Variants in GARNL3 observed in about 807,000 individuals in gnomAD.
GARNL3 encodes the protein GTPase-activating Rap/Ran-GAP domain-like protein 3.
A neutral mutation model predicts 125.0 loss-of-function variants in GARNL3; 63 were observed. That is an observed-to-expected ratio of 0.50 (90% CI 0.41 to 0.62). The LOEUF (loss-of-function observed/expected upper bound fraction) is 0.62. Ranked by LOEUF, GARNL3 falls within the 20% of genes least tolerant of loss-of-function variation. GARNL3 has a pLI of 0.00. For missense variants in GARNL3, 994 were observed against 1,244.0 expected (o/e 0.80, Z 3.02); for synonymous variants, 439 against 457.5 (o/e 0.96, Z 0.52).
chr9:127,379,922 G>A (rs1832149039), intron 22 of GARNL3, among the ~76,000 whole-genome samples: 1 of 152,188 alleles, frequency 6.6e-6, no homozygotes, highest in African/African-American at 2.4e-5. Context: ...GCTCACACTT[G>A]TAATCCCAGC....
chr9:127,385,412 T>G lies in GARNL3; in HGVS notation c.2388+267T>G, dbSNP rs1209726994. 6.6e-6 allele frequency among the ~76,000 whole-genome samples: 1 copy of G among 152,128 alleles called. No homozygotes were observed. Among genetic ancestry groups the G allele is most frequent in the Non-Finnish European group, 1.5e-5 (1 of 68,018 alleles). ...TGGGGAGCACTTAGCTGAAAAGAGA[T>G]ATCCCCGCTCAGAGACTGGGTCAGT... On this transcript the variant is annotated intron_variant, in intron 24 of 27. Coordinates refer to ENST00000373387, the MANE Select transcript of GARNL3 (RefSeq NM_032293.5). The surrounding 1 kb of genome is among the most constrained non-coding windows in gnomAD (Gnocchi z 4.1).
chr9:127,358,307 G>A (rs1305145365), intron 21 of GARNL3, among the ~76,000 whole-genome samples: 1 of 152,230 alleles, frequency 6.6e-6, no homozygotes, highest in East Asian at 1.9e-4. Context: ...AGGCCTGCTT[G>A]TCAGTGAGCC....
At chr9:127,254,810 T>C (rs1395100134) in intron 2 of GARNL3, among the ~76,000 whole-genome samples, 1 of 142,630 alleles carries the variant, frequency 7.0e-6, no homozygotes, top group Non-Finnish European at 1.5e-5. Context: ...AAAAGACCAA[T>C]AACATACAAA....
At position 127,311,543 on chromosome 9, in the gene GARNL3, G is replaced by A. The variant is rs111590791; in HGVS notation, c.220-93G>A. 5,831 of 855,892 alleles carry A rather than the reference G, an allele frequency of 6.8e-3. 244 individuals are homozygous for A. In the African/African-American group the frequency reaches 0.088, roughly 13 times the overall value. 53.0% of individuals were successfully genotyped at this position (855,892 alleles called of 1,614,324 possible). A position where few individuals can be genotyped will look rare whatever the true frequency, so the allele number is the denominator to read the frequency against. Reference sequence around the variant, plus strand: ...CCCTTGGGTGTATGCTTTTAACAATGATTTTTCTGGTTCTTTGGCCGCTGG... The same window carrying A: ...CCCTTGGGTGTATGCTTTTAACAATAATTTTTCTGGTTCTTTGGCCGCTGG... On this transcript the variant is annotated intron_variant, in intron 2 of 27. Coordinates refer to ENST00000373387, the MANE Select transcript of GARNL3 (RefSeq NM_032293.5).
intron 1 of GARNL3, among the ~76,000 whole-genome samples, chr9:127,289,250 AACTACT>A (rs1241437109): frequency 1.3e-5 from 2 of 152,208 alleles, no homozygotes; most frequent in Non-Finnish European, 2.9e-5. Flanking sequence ...TTCTGACACC[AACTACT>A]ACAGCGTTCA....
chr9:127,259,868 C>T (rs1485414656), upstream of GARNL3, among the ~76,000 whole-genome samples: 1 of 151,820 alleles, frequency 6.6e-6, no homozygotes, highest in African/African-American at 2.4e-5. Context: ...GACCCCCCCG[C>T]CCATCTCTAC....
intron 8 of GARNL3, 109 bp downstream of exon 8, chr9:127,332,458 G>GA: frequency 1.2e-6 from 1 of 821,900 alleles, no homozygotes. Flanking sequence ...TTAATACGAG[G>GA]AGATAGTTTT....
intron 2 of GARNL3, among the ~76,000 whole-genome samples, chr9:127,305,891 T>A (rs1393844157): frequency 3.9e-5 from 6 of 152,316 alleles, no homozygotes; most frequent in Non-Finnish European, 8.8e-5. Flanking sequence ...TGAACCACTA[T>A]GCCCAGCCCA....
At position 127,392,771 on chromosome 9, in the gene GARNL3, C is replaced by G. The variant is rs1832935510; in HGVS notation, c.2871-312C>G. On this transcript the variant is annotated intron_variant, in intron 27 of 27. Coordinates refer to ENST00000373387, the MANE Select transcript of GARNL3 (RefSeq NM_032293.5). This position sits in a 1 kb window ranked among gnomAD's most constrained non-coding sequence, Gnocchi z 5.2. ...CGGAACCTTGGCTATGAGTTTCAGCCTGATCCTCAGGCCCTGGGCACCCAT... is the reference window on the plus strand; with the variant it reads ...CGGAACCTTGGCTATGAGTTTCAGCGTGATCCTCAGGCCCTGGGCACCCAT... Among the ~76,000 whole-genome samples, 1 of 152,234 alleles carries G rather than the reference C, an allele frequency of 6.6e-6. No homozygotes were observed. The highest frequency in any genetic ancestry group is 2.4e-5 in the African/African-American group (1 of 41,456).
intron 22 of GARNL3, among the ~76,000 whole-genome samples, chr9:127,376,465 G>A (rs552740354): frequency 8.5e-5 from 13 of 152,080 alleles, no homozygotes; most frequent in Non-Finnish European, 1.5e-4. Flanking sequence ...TGATCCGCCC[G>A]CCTCGGCCTC....
Position 127,383,560 on chromosome 9 carries a change from T to C in GARNL3, c.2269+15T>C, listed in dbSNP as rs377173019. ...CTATGCAATTGGTAAGAAAAGTCTT[T>C]ATCATAATGCTTTTCTCCTTCATGG... On this transcript the variant is annotated intron_variant, in intron 23 of 27. Transcript: ENST00000373387. The C allele has an allele frequency of 1.3e-6, 2 of 1,521,880 alleles. No individual in the cohort carries two copies. The highest frequency in any genetic ancestry group is 2.7e-5 in the African/African-American group (2 of 72,844). 94.3% of individuals were successfully genotyped at this position (1,521,880 alleles called of 1,614,324 possible).
intron 1 of GARNL3, among the ~76,000 whole-genome samples, chr9:127,240,664 A>C (rs2063188240): frequency 1.3e-5 from 2 of 152,194 alleles, no homozygotes; most frequent in Admixed American, 6.5e-5. Context: ...ACACTTTGGG[A>C]AGTCGAGGTG....
intron 2 of GARNL3, chr9:127,300,315 G>C: frequency 4.0e-6 from 1 of 251,212 alleles, no homozygotes; most frequent in Non-Finnish European, 8.0e-6. Context: ...TTTCTTCTCT[G>C]TTGTGGGAAT....
chr9:127,327,867 A>G (rs2065622728), intron 7 of GARNL3, among the ~76,000 whole-genome samples: 1 of 152,262 alleles, frequency 6.6e-6, no homozygotes, highest in Non-Finnish European at 1.5e-5. Flanking sequence ...TGCAGTCACA[A>G]AGACAACTGC....
At chr9:127,359,626 C>T (rs924395983) in intron 21 of GARNL3, among the ~76,000 whole-genome samples, 11 of 152,308 alleles carry the variant, frequency 7.2e-5, no homozygotes, top group African/African-American at 2.6e-4. Flanking sequence ...AAGACTTAGC[C>T]AGCTTTTGCT....
In GARNL3 at chr9:127,335,339, T is replaced by G. The variant is rs751946755; in HGVS notation, c.873+6T>G. The G allele has an allele frequency of 6.3e-7, 1 of 1,587,150 alleles. No homozygotes were observed. Among genetic ancestry groups the G allele is most frequent in the Non-Finnish European group, 8.7e-7 (1 of 1,155,412 alleles). On this transcript the variant is annotated splice_donor_region_variant and intron_variant, in intron 10 of 27. Transcript: ENST00000373387. ...CCAAAGAGAACAAACAGCAGGTACATGTGAACATACAAACCATCAAATAGT... is the reference window on the plus strand; with the variant it reads ...CCAAAGAGAACAAACAGCAGGTACAGGTGAACATACAAACCATCAAATAGT...
At chr9:127,295,688 A>G (rs1158932536) in intron 2 of GARNL3, among the ~76,000 whole-genome samples, 1 of 152,058 alleles carries the variant, frequency 6.6e-6, no homozygotes, top group African/African-American at 2.4e-5. Flanking sequence ...CTCAGCTTCC[A>G]TAACTCCCTA....
intron 1 of GARNL3, among the ~76,000 whole-genome samples, chr9:127,275,941 T>G (rs2063944153): frequency 6.6e-6 from 1 of 152,202 alleles, no homozygotes; most frequent in Admixed American, 6.5e-5. Context: ...GAAGGCTCTT[T>G]GATTACTTTG....
At chr9:127,354,088 T>C (rs1830552651) in intron 18 of GARNL3, 144 bp downstream of exon 18, 1 of 689,836 alleles carries the variant, frequency 1.4e-6, no homozygotes, top group African/African-American at 1.8e-5. Context: ...GATCCCTCAG[T>C]GGCCCCTTTG....
Sources: allele counts gnomAD v4.1 joint callset (sites outside exome capture counted in the v4.1 genomes callset), GRCh38; gene constraint gnomAD v4.1.1; non-coding constraint Gnocchi (gnomAD v3.1); transcripts MANE v1.5; gene names NCBI Gene and HGNC (gene_info 2026-07-23, HGNC 2026-07-21).